The following AMD1 variants were observed in gnomAD, a reference collection of about 807,000 sequenced individuals.
The protein encoded by AMD1 is adenosylmethionine decarboxylase 1.
AMD1 carries 11 observed loss-of-function variants against 40.2 expected under a neutral mutation model. That is an observed-to-expected ratio of 0.27 (90% CI 0.17 to 0.45). The LOEUF is 0.45. Ranked by LOEUF, AMD1 falls within the 20% of genes least tolerant of loss-of-function variation. AMD1 has a pLI of 1.00. For missense variants in AMD1, 257 were observed against 410.2 expected (o/e 0.63, Z 3.23); for synonymous variants, 121 against 130.8 (o/e 0.93, Z 0.51).
the AMD1 span, among the ~76,000 whole-genome samples, chr6:110,830,107 T>A: frequency 2.6e-5 from 4 of 152,042 alleles, no homozygotes; most frequent in South Asian, 8.3e-4. Context: ...CTCCACCTCC[T>A]GGGTTCAAGT....
chr6:110,828,910 G>A, the AMD1 span, among the ~76,000 whole-genome samples: 5 of 152,128 alleles, frequency 3.3e-5, no homozygotes, highest in African/African-American at 4.8e-5. Flanking sequence ...GGTGGTTCAC[G>A]CCTGTAATCC....
chr6:110,836,583 G>A, the AMD1 span, among the ~76,000 whole-genome samples: 2 of 152,060 alleles, frequency 1.3e-5, no homozygotes, highest in Admixed American at 1.3e-4. Context: ...GAAATTCACA[G>A]GAAACTTCTA....
chr6:110,893,681 A>T lies in AMD1; in HGVS notation c.*65A>T. 1 of 1,564,530 alleles carries T rather than the reference A, an allele frequency of 6.4e-7. No individual in the cohort carries two copies. Among genetic ancestry groups the T allele is most frequent in the Non-Finnish European group, 8.7e-7 (1 of 1,153,674 alleles). On this transcript the variant is annotated 3_prime_UTR_variant, in exon 9 of 9. Transcript: ENST00000368885. ...GTAGAAGGTGGTGGATGCTTTCTAG[A>T]TGTCGATGCTGGGGGCAGTGCTTTC...
At chr6:110,828,654 C>T in the AMD1 span, among the ~76,000 whole-genome samples, 6 of 152,124 alleles carry the variant, frequency 3.9e-5, no homozygotes, top group Admixed American at 1.3e-4. Context: ...TATTTAAATG[C>T]TTATGCCCTT....
At chr6:110,849,921 A>C in the AMD1 span, among the ~76,000 whole-genome samples, 5 of 151,500 alleles carry the variant, frequency 3.3e-5, no homozygotes, top group Admixed American at 6.6e-5. Flanking sequence ...TGGGAAACTG[A>C]GGTGGGGGGC....
At chr6:110,881,869 C>T (rs944933385) in intron 1 of AMD1, among the ~76,000 whole-genome samples, 6 of 151,848 alleles carry the variant, frequency 4.0e-5, no homozygotes, top group Non-Finnish European at 5.9e-5. Flanking sequence ...ATAATAATTT[C>T]TAATGACTAG....
the AMD1 span, among the ~76,000 whole-genome samples, chr6:110,862,902 T>C: frequency 1.3e-5 from 2 of 152,130 alleles, no homozygotes; most frequent in African/African-American, 2.4e-5. Context: ...GTCCTCACGA[T>C]AGGAAAACCA....
chr6:110,892,372 A>C lies in AMD1; in HGVS notation c.544A>C (p.Ser182Arg), dbSNP rs1786072386. The C allele has an allele frequency of 6.2e-7, 1 of 1,612,844 alleles. No homozygotes were observed. The highest frequency in any genetic ancestry group is 8.5e-7 in the Non-Finnish European group (1 of 1,180,040). ...QPDQTLEILM[S>R]ELDPAVMDQF... Reference sequence around the variant, plus strand: ...AGATCAAACCTTGGAAATTCTGATGAGTGAGCTTGACCCAGCAGTTATGGA... The same window carrying C: ...AGATCAAACCTTGGAAATTCTGATGCGTGAGCTTGACCCAGCAGTTATGGA... The change falls in exon 6 of 9, where the codon AGT becomes CGT. Residue 182 changes from serine (S) to arginine (R), a missense_variant. Ser to Arg is a moderately radical substitution (Grantham distance 110). Transcript: ENST00000368885.
At chr6:110,863,934 CA>C in the AMD1 span, 8 of 482,202 alleles carry the variant, frequency 1.7e-5, no homozygotes, top group East Asian at 1.2e-4. Context: ...ACATGAAGGC[CA>C]AAAACAAAGC....
the AMD1 span, among the ~76,000 whole-genome samples, chr6:110,841,781 ATTTGT>A: frequency 6.6e-6 from 1 of 151,362 alleles, no homozygotes; most frequent in African/African-American, 2.4e-5. Context: ...TACATGAAAC[ATTTGT>A]TTTATTTTAT....
chr6:110,873,574 G>A (rs12663817), upstream of AMD1, among the ~76,000 whole-genome samples: 1 of 152,136 alleles, frequency 6.6e-6, no homozygotes, highest in East Asian at 1.9e-4. Flanking sequence ...TTTTTTCTAA[G>A]GATGATAGCG....
the AMD1 span, among the ~76,000 whole-genome samples, chr6:110,838,855 G>A: frequency 3.9e-5 from 6 of 152,066 alleles, no homozygotes; most frequent in Admixed American, 2.0e-4. Context: ...CAAAACCTCC[G>A]TCTACTGGGT....
chr6:110,882,144 A>G (rs1479319267), intron 1 of AMD1, among the ~76,000 whole-genome samples: 1 of 152,176 alleles, frequency 6.6e-6, no homozygotes, highest in African/African-American at 2.4e-5. Flanking sequence ...TATCTTTTCT[A>G]TTTTTGACAC....
At chr6:110,860,158 CCTT>C in the AMD1 span, among the ~76,000 whole-genome samples, 2 of 151,998 alleles carry the variant, frequency 1.3e-5, no homozygotes, top group African/African-American at 2.4e-5. Context: ...CTCCAGCCCT[CCTT>C]CTCCCCTTCT....
At chr6:110,831,077 T>C in the AMD1 span, among the ~76,000 whole-genome samples, 1 of 152,164 alleles carries the variant, frequency 6.6e-6, no homozygotes, top group Non-Finnish European at 1.5e-5. Context: ...ACTTTCTTTC[T>C]CTCCATGATC....
the AMD1 span, among the ~76,000 whole-genome samples, chr6:110,866,172 A>G: frequency 6.6e-6 from 1 of 152,202 alleles, no homozygotes; most frequent in African/African-American, 2.4e-5. Flanking sequence ...TAAAGTTTTA[A>G]TAGATAATCA....
At chr6:110,832,133 C>A in the AMD1 span, among the ~76,000 whole-genome samples, 6 of 151,550 alleles carry the variant, frequency 4.0e-5, no homozygotes, top group South Asian at 6.2e-4. Flanking sequence ...TCTGCCTCAG[C>A]CTCCTGAACT....
chr6:110,819,489 A>G, the AMD1 span, among the ~76,000 whole-genome samples: 2 of 152,242 alleles, frequency 1.3e-5, no homozygotes, highest in African/African-American at 4.8e-5. Flanking sequence ...GTGGGACTAA[A>G]GGAGAGGGAA....
chr6:110,867,738 T>C, the AMD1 span, among the ~76,000 whole-genome samples: 2 of 152,072 alleles, frequency 1.3e-5, no homozygotes, highest in Non-Finnish European at 2.9e-5. Context: ...AAAGAAAAAA[T>C]AAATTTAAAA....
Sources: allele counts gnomAD v4.1 joint callset (sites outside exome capture counted in the v4.1 genomes callset), GRCh38; gene constraint gnomAD v4.1.1; transcripts MANE v1.5; gene names NCBI Gene and HGNC (gene_info 2026-07-23, HGNC 2026-07-21).